The following SMOC2 variants were observed in gnomAD, a reference collection of about 807,000 sequenced individuals.
SMOC2 encodes the protein SPARC related modular calcium binding 2.
SMOC2 carries 39 observed loss-of-function variants against 61.4 expected under a neutral mutation model. That is an observed-to-expected ratio of 0.64 (90% CI 0.49 to 0.83). The LOEUF is 0.83. Among genes scored for constraint, SMOC2 ranks in the 40% least tolerant of loss-of-function variants. The pLI is 0.00. For missense variants in SMOC2, 556 were observed against 592.9 expected (o/e 0.94, Z 0.65); for synonymous variants, 247 against 239.9 (o/e 1.03, Z -0.27).
intron 7 of SMOC2, among the ~76,000 whole-genome samples, chr6:168,557,399 T>C (rs1784275090): frequency 6.6e-6 from 1 of 152,242 alleles, no homozygotes; most frequent in Admixed American, 6.5e-5. Context: ...ATTTCAATCA[T>C]ATTTGATTCT....
intron 11 of SMOC2, among the ~76,000 whole-genome samples, chr6:168,660,813 C>T (rs529282097): frequency 2.0e-5 from 3 of 152,330 alleles, no homozygotes; most frequent in Middle Eastern, 3.4e-3. Context: ...GAGTTCTTAG[C>T]CCCTGGCGAG....
At chr6:168,606,795 C>T (rs957699273) in intron 8 of SMOC2, among the ~76,000 whole-genome samples, 4 of 151,986 alleles carry the variant, frequency 2.6e-5, no homozygotes, top group African/African-American at 7.2e-5. Flanking sequence ...CTTCATTTTC[C>T]AAGGAGTCTT....
chr6:168,448,838 T>C (rs780857421), intron 1 of SMOC2, among the ~76,000 whole-genome samples: 1 of 152,216 alleles, frequency 6.6e-6, no homozygotes, highest in Non-Finnish European at 1.5e-5. Flanking sequence ...ATAATTCTAA[T>C]GTCTTTGGGC....
chr6:168,581,767 T>TGGGACCCCGCTGCCTCCCTGC (rs1264203620), intron 7 of SMOC2, among the ~76,000 whole-genome samples: 1 of 152,182 alleles, frequency 6.6e-6, no homozygotes, highest in Admixed American at 6.5e-5. Context: ...CAGACCTGCC[T>TGGGACCCCGCTGCCTCCCTGC]GGGACCCCGC....
At chr6:168,488,261 G>A (rs1472895754) in intron 1 of SMOC2, among the ~76,000 whole-genome samples, 1 of 152,204 alleles carries the variant, frequency 6.6e-6, no homozygotes, top group Non-Finnish European at 1.5e-5. Context: ...GCAGCTGTCT[G>A]CTCCCATGGC....
chr6:168,451,097 C>T (rs1251988394), intron 1 of SMOC2, among the ~76,000 whole-genome samples: 1 of 152,214 alleles, frequency 6.6e-6, no homozygotes, highest in African/African-American at 2.4e-5. Flanking sequence ...CCTCAGGCTA[C>T]CTTTCCATTT....
At chr6:168,540,261 G>C (rs558713996) in intron 4 of SMOC2, among the ~76,000 whole-genome samples, 1 of 152,352 alleles carries the variant, frequency 6.6e-6, no homozygotes, top group African/African-American at 2.4e-5. Flanking sequence ...CCTGAGGGCT[G>C]CAGGCCATTT....
chr6:168,518,817 TTATGTGAG>T (rs1257651442), intron 2 of SMOC2, among the ~76,000 whole-genome samples: 2 of 149,570 alleles, frequency 1.3e-5, no homozygotes, highest in African/African-American at 4.9e-5. Flanking sequence ...GAATGCATGT[TTATGTGAG>T]TGCATGAGTG....
chr6:168,477,859 G>A (rs986100327), intron 1 of SMOC2, among the ~76,000 whole-genome samples: 4 of 152,126 alleles, frequency 2.6e-5, no homozygotes, highest in African/African-American at 4.8e-5. Context: ...GCAGCACTGC[G>A]TATTCTACAA....
At chr6:168,584,213 C>T (rs774452466) in intron 7 of SMOC2, among the ~76,000 whole-genome samples, 3 of 152,218 alleles carry the variant, frequency 2.0e-5, no homozygotes, top group Admixed American at 6.5e-5. Flanking sequence ...GTATTACAGT[C>T]GGCTGGACGT....
intron 9 of SMOC2, among the ~76,000 whole-genome samples, chr6:168,643,485 T>G (rs180860983): frequency 1.4e-3 from 220 of 152,256 alleles, no homozygotes; most frequent in African/African-American, 5.1e-3. Flanking sequence ...GGGCCTTCCC[T>G]GTGCCCCCAG....
intron 1 of SMOC2, among the ~76,000 whole-genome samples, chr6:168,458,624 C>T (rs575842343): frequency 1.4e-4 from 21 of 152,200 alleles, no homozygotes; most frequent in African/African-American, 4.8e-4. Context: ...AGGGGAGAAA[C>T]GAAGGCTCCC....
chr6:168,460,141 C>T (rs1057498600), intron 1 of SMOC2, among the ~76,000 whole-genome samples: 2 of 152,118 alleles, frequency 1.3e-5, no homozygotes, highest in African/African-American at 4.8e-5. Flanking sequence ...TGCATTTGCC[C>T]ACTTATGTGG....
intron 7 of SMOC2, among the ~76,000 whole-genome samples, chr6:168,566,664 G>C (rs867996213): frequency 2.0e-5 from 3 of 151,866 alleles, no homozygotes; most frequent in African/African-American, 7.3e-5. Context: ...TGTATTTTTA[G>C]TAGCATTTAG....
chr6:168,478,331 A>G (rs1782135372), intron 1 of SMOC2, among the ~76,000 whole-genome samples: 1 of 152,182 alleles, frequency 6.6e-6, no homozygotes, highest in Non-Finnish European at 1.5e-5. Flanking sequence ...TGGCTAGAGA[A>G]AGGATAATTG....
rs1264479252 is a variant in SMOC2 at position 168,667,405 on chromosome 6, CCCGGGGCTGGTGTTGGCAG to C, written c.*974_*992del. ...AAGGTACAGCCGGATACGTGGTGCC[CCCGGGGCTGGTGTTGGCAG>C]CCGGGGGGAGGTGCCTGAGGGTCCC... On this transcript the variant is annotated 3_prime_UTR_variant, in exon 13 of 13. Coordinates refer to ENST00000356284, the MANE Select transcript of SMOC2 (RefSeq NM_001166412.2). 6.6e-6 allele frequency: 1 copy of C among 152,170 alleles called. No individual in the cohort carries two copies. The highest frequency in any genetic ancestry group is 1.5e-5 in the Non-Finnish European group (1 of 68,036). The allele number at this position is 152,170 out of a possible 1,614,324, so 9.4% of individuals were successfully genotyped here.
At chr6:168,659,898 G>A (rs2115288269) in intron 11 of SMOC2, among the ~76,000 whole-genome samples, 1 of 152,366 alleles carries the variant, frequency 6.6e-6, no homozygotes, top group South Asian at 2.1e-4. Flanking sequence ...GAGGGTGGAG[G>A]TTGTAGGTTG....
rs530323748 is a variant in SMOC2 at position 168,461,638 on chromosome 6, G to A, written c.84+20184G>A. On this transcript the variant is annotated intron_variant, in intron 1 of 12. Coordinates refer to ENST00000356284, the MANE Select transcript of SMOC2 (RefSeq NM_001166412.2). ...TTTTACTGCACTTTAAAGCATTTCG[G>A]ATGTTAATTAAAATCTTGACTCTAG... Among the ~76,000 whole-genome samples, 19 of 152,212 alleles carry A rather than the reference G, an allele frequency of 1.2e-4. No individual in the cohort carries two copies. The South Asian group carries it at 3.7e-3, about 30-fold the overall frequency.
intron 7 of SMOC2, among the ~76,000 whole-genome samples, chr6:168,573,038 A>G (rs1784705704): frequency 9.8e-6 from 1 of 101,734 alleles, no homozygotes. Context: ...CGCGATGTTC[A>G]TTTCCTCCCC....
Sources: gnomAD v4.1 joint callset for allele counts (sites outside exome capture counted in the v4.1 genomes callset) on GRCh38, gnomAD v4.1.1 for gene constraint, MANE v1.5 for transcripts, NCBI Gene and HGNC (gene_info 2026-07-23, HGNC 2026-07-21) for gene names.